CYP2W1: variants seen among roughly 807,000 people sequenced by gnomAD.
CYP2W1 encodes the protein cytochrome P450 2W1.
A neutral mutation model predicts 44.9 loss-of-function variants in CYP2W1; 51 were observed. That is an observed-to-expected ratio of 1.14 (90% CI 0.91 to 1.43). The LOEUF is 1.43. Ranked by LOEUF, CYP2W1 falls within the 40% of genes most tolerant of loss-of-function variation. The pLI is 0.00. For synonymous variants in CYP2W1, 383 were observed against 338.3 expected, an observed-to-expected ratio of 1.13 and a Z score of -1.45; for missense variants, 746 against 700.0, an observed-to-expected ratio of 1.07 and a Z score of -0.74.
chr7:985,678 G>A (rs1183168274), intron 4 of CYP2W1, among the ~76,000 whole-genome samples: 1 of 152,236 alleles, frequency 6.6e-6, no homozygotes, highest in Non-Finnish European at 1.5e-5. Flanking sequence ...CCTTCCTGCT[G>A]ACGCCCTTTA....
In CYP2W1 at chr7:984,393, C is replaced by T. The variant is rs1848163183; in HGVS notation, c.175-19C>T. Reference sequence around the variant, plus strand: ...TTGTGGGTGAGGGCTGCCCGGGTGACCCCCGCCATCCCTGCCAGCTCTCAG... The same window carrying T: ...TTGTGGGTGAGGGCTGCCCGGGTGATCCCCGCCATCCCTGCCAGCTCTCAG... On this transcript the variant is annotated intron_variant, in intron 1 of 8. Transcript: ENST00000308919. 6.5e-7 allele frequency: 1 copy of T among 1,544,150 alleles called. No homozygotes were observed. The highest frequency in any genetic ancestry group is 1.4e-5 in the African/African-American group (1 of 73,118).
chr7:986,065 C>T (rs987361377), intron 4 of CYP2W1, among the ~76,000 whole-genome samples: 1 of 152,174 alleles, frequency 6.6e-6, no homozygotes, highest in East Asian at 1.9e-4. Context: ...CGGGGCAGCC[C>T]CAGGGCAGCA....
rs139268609 is a variant in CYP2W1 at position 988,733 on chromosome 7, G to C, written c.1384G>C (p.Val462Leu). The change falls in exon 9 of 9, where the codon GTC becomes CTC. Residue 462 changes from valine (V) to leucine (L), a missense_variant. Coordinates refer to ENST00000308919, the MANE Select transcript of CYP2W1 (RefSeq NM_017781.3). ...GTACCGCCTGCTGCCCCCGCCTGGC[G>C]TCAGTCCGGCCTCCCTGGACACCAC... is the stretch of plus-strand genomic sequence containing the variant. ...QRYRLLPPPG[V>L]SPASLDTTPA... is the part of the protein sequence containing the mutation. 3.1e-3 allele frequency: 4,979 copies of C among 1,599,444 alleles called. 121 individuals are homozygous for C. In the African/African-American group the frequency reaches 0.057, roughly 18 times the overall value.
chr7:985,835 T>C (rs1848299594), intron 4 of CYP2W1, among the ~76,000 whole-genome samples: 1 of 152,232 alleles, frequency 6.6e-6, no homozygotes, highest in Non-Finnish European at 1.5e-5. Flanking sequence ...GTGTGATACC[T>C]GCATCACGGC....
At position 988,774 on chromosome 7, in the gene CYP2W1, T is replaced by C. The variant is rs769255926; in HGVS notation, c.1425T>C (p.Phe475=). The change falls in exon 9 of 9, where the codon TTT becomes TTC. Residue 475 remains phenylalanine (F), a synonymous_variant. Transcript: ENST00000308919. ...ASLDTTPARA[F]TMRPRAQALC... ...TGGACACCACGCCCGCCCGGGCTTT[T>C]ACCATGAGGCCGAGGGCCCAGGCCC... is the stretch of plus-strand genomic sequence containing the variant. 6.3e-7 allele frequency: 1 copy of C among 1,597,764 alleles called. No individual in the cohort carries two copies.
Position 988,265 on chromosome 7 carries a change from C to G in CYP2W1, c.1144-12C>G. 7.7e-6 allele frequency: 12 copies of G among 1,565,926 alleles called. No homozygotes were observed. Among genetic ancestry groups the G allele is most frequent in the Non-Finnish European group, 9.5e-6 (11 of 1,152,332 alleles). ...CGGGGCCCCTCTCTCTGTGCCCCGG[C>G]TGCCCCCACAGGGCACGCCCGTGAT... On this transcript the variant is annotated splice_polypyrimidine_tract_variant and intron_variant, in intron 7 of 8. Transcript: ENST00000308919.
rs1469355860 is a variant in CYP2W1, at chr7:986,693, G to C, written c.715G>C (p.Glu239Gln). Residue 239 changes from glutamate (E) to glutamine (Q), a missense_variant, in exon 5 of 9, where the codon GAG becomes CAG. Physicochemically the swap from Glu to Gln is conservative, Grantham distance 29. Coordinates refer to ENST00000308919, the MANE Select transcript of CYP2W1 (RefSeq NM_017781.3). ...CCGGCCCGTCCTGCGCAAGATCGAG[G>C]AGGTCCGTGCCATTCTGAGGACCCT... ...LHRPVLRKIE[E>Q]VRAILRTLLE... The C allele has an allele frequency of 6.2e-7, 1 of 1,612,622 alleles. No homozygotes were observed. The highest frequency in any genetic ancestry group is 8.5e-7 in the Non-Finnish European group (1 of 1,179,868).
In CYP2W1 at chr7:985,205, C is replaced by A; in HGVS notation, c.527C>A (p.Ser176Tyr). The A allele has an allele frequency of 6.4e-7, 1 of 1,563,504 alleles. No homozygotes were observed. Among genetic ancestry groups the A allele is most frequent in the Non-Finnish European group, 8.7e-7 (1 of 1,154,056 alleles). ...CTGGCCCTACTGGGCTGGGCTCCCT[C>A]CAATATCACCTTCGCGCTCCTCTTC... ...FPLALLGWAPSNITFALLFGR... is the reference protein window; with the variant it reads ...FPLALLGWAPYNITFALLFGR... Residue 176 changes from serine to tyrosine, a missense_variant, in exon 4 of 9, where the codon TCC becomes TAC. Ser to Tyr is a moderately radical substitution (Grantham distance 144). Coordinates refer to ENST00000308919, the MANE Select transcript of CYP2W1 (RefSeq NM_017781.3).
chr7:986,605 C>A lies in CYP2W1; in HGVS notation c.646-19C>A. 1 of 1,612,108 alleles carries A rather than the reference C, an allele frequency of 6.2e-7. No individual in the cohort carries two copies. Among genetic ancestry groups the A allele is most frequent in the South Asian group, 1.1e-5 (1 of 90,998 alleles). On this transcript the variant is annotated intron_variant, in intron 4 of 8. Coordinates refer to ENST00000308919, the MANE Select transcript of CYP2W1 (RefSeq NM_017781.3). ...CTGGGGCTGCGTCCTTATCTCCGCT[C>A]CTCCTGCCTCCTGCCCAGCTGTTCA...
chr7:985,935 G>A (rs1299329713), intron 4 of CYP2W1, among the ~76,000 whole-genome samples: 5 of 152,112 alleles, frequency 3.3e-5, no homozygotes, highest in East Asian at 1.9e-4. Flanking sequence ...GTTCACAAGC[G>A]AGAGCAGGGG....
chr7:987,770 G>C lies in CYP2W1; in HGVS notation c.1143+239G>C, dbSNP rs370631514. Among the ~76,000 whole-genome samples, 405 of 152,074 alleles carry C rather than the reference G, an allele frequency of 2.7e-3. 2 individuals are homozygous for C. Among genetic ancestry groups the C allele is most frequent in the African/African-American group, 9.1e-3 (378 of 41,470 alleles). On this transcript the variant is annotated intron_variant, in intron 7 of 8. Coordinates refer to ENST00000308919, the MANE Select transcript of CYP2W1 (RefSeq NM_017781.3). ...CCCTGCATGTCCTGGGGTCCCCTCC[G>C]TGTGTCCTGTGGGCATCCCTGTCCA...
chr7:987,211 C>T lies in CYP2W1; in HGVS notation c.924C>T (p.Ala308=), dbSNP rs372963929. 187 of 1,545,372 alleles carry T rather than the reference C, an allele frequency of 1.2e-4. 1 individual carries two copies. Among genetic ancestry groups the T allele is most frequent in the Non-Finnish European group, 1.4e-4 (161 of 1,145,252 alleles). The change falls in exon 6 of 9, where the codon GCC becomes GCT. Residue 308 remains alanine, a synonymous_variant. Transcript: ENST00000308919. ...CGACCTCGGCCACGCTGCAGTGGGCCGCACTTCTGATGGGCCGGCACCCGG... is the reference window on the plus strand; with the variant it reads ...CGACCTCGGCCACGCTGCAGTGGGCTGCACTTCTGATGGGCCGGCACCCGG... ...TETTSATLQW[A]ALLMGRHPDV... is the part of the protein sequence containing the mutation.
At chr7:987,664 G>T (rs1228733242) in intron 7 of CYP2W1, 133 bp downstream of exon 7, 5 of 923,884 alleles carry the variant, frequency 5.4e-6, no homozygotes, top group African/African-American at 3.4e-5. Flanking sequence ...GGCAATAAAG[G>T]GCGTCCAGCC....
Position 988,894 on chromosome 7 carries a change from C to A in CYP2W1, c.*72C>A. 2.1e-6 allele frequency: 2 copies of A among 971,244 alleles called. No homozygotes were observed. The highest frequency in any genetic ancestry group is 3.0e-6 in the Non-Finnish European group (2 of 664,598). 60.2% of individuals were successfully genotyped at this position (971,244 alleles called of 1,614,324 possible). ...CTGGGTCCTCCCACCCTCTCTCCTCCCACCCCACAGCTCGGACTGCTCTGG... is the reference window on the plus strand; with the variant it reads ...CTGGGTCCTCCCACCCTCTCTCCTCACACCCCACAGCTCGGACTGCTCTGG... On this transcript the variant is annotated 3_prime_UTR_variant, in exon 9 of 9. Transcript: ENST00000308919.
Position 987,472 on chromosome 7 carries a change from C to G in CYP2W1, c.1084C>G (p.Pro362Ala), listed in dbSNP as rs767515933. The change falls in exon 7 of 9, where the codon CCG becomes GCG. Residue 362 changes from proline to alanine, a missense_variant. Pro to Ala is a conservative substitution (Grantham distance 27). Transcript: ENST00000308919. Reference protein sequence around the residue: ...HEVQRFITLLPHVPRCTAADT... With the variant: ...HEVQRFITLLAHVPRCTAADT... ...GGTGCAGCGGTTCATCACGCTCCTG[C>G]CGCACGTGCCCCGCTGCACCGCGGC... is the stretch of plus-strand genomic sequence containing the variant. 2.6e-6 allele frequency: 4 copies of G among 1,560,478 alleles called. No homozygotes were observed. In the Admixed American group the frequency reaches 7.4e-5, roughly 29 times the overall value.
chr7:988,954 C>G lies in CYP2W1; in HGVS notation c.*132C>G. ...GAGGACTCCCACCCTCACCCCCACC[C>G]CCACAGGGTCAGCAACTGCTTCCGG... On this transcript the variant is annotated 3_prime_UTR_variant, in exon 9 of 9. Transcript: ENST00000308919. 1 of 621,610 alleles carries G rather than the reference C, an allele frequency of 1.6e-6. No individual in the cohort carries two copies. Among genetic ancestry groups the G allele is most frequent in the Non-Finnish European group, 2.8e-6 (1 of 359,734 alleles). 38.5% of individuals were successfully genotyped at this position (621,610 alleles called of 1,614,324 possible). A position where few individuals can be genotyped will look rare whatever the true frequency, so the allele number is the denominator to read the frequency against.
In CYP2W1 at chr7:988,691, GC is replaced by G. The variant is rs1452311597; in HGVS notation, c.1344del (p.Gly449AlafsTer29). 6.3e-7 allele frequency: 1 copy of G among 1,599,946 alleles called. No homozygotes were observed. Among genetic ancestry groups the G allele is most frequent in the Non-Finnish European group, 8.5e-7 (1 of 1,179,630 alleles). On this transcript the variant is annotated frameshift_variant, in exon 9 of 9. Coordinates refer to ENST00000308919, the MANE Select transcript of CYP2W1 (RefSeq NM_017781.3). LOFTEE classifies it low-confidence loss of function (END_TRUNC). ...CAGGACCGAGCTCTTCCTGCTGTTT[GC>G]CGGCCTCCTGCAGAGGTACCGCCTG... Reference protein sequence around the residue: ...LARTELFLLFAGLLQRYRLLP... With the variant: ...LARTELFLLFXGLLQRYRLLP...
intron 1 of CYP2W1, among the ~76,000 whole-genome samples, chr7:983,815 A>G (rs1848108586): frequency 6.6e-6 from 1 of 152,168 alleles, no homozygotes; most frequent in Non-Finnish European, 1.5e-5. Context: ...CATCTGTGAA[A>G]TGGGAAGAGG....
rs1453271693 is a variant in CYP2W1, at chr7:988,725, C to T, written c.1376C>T (p.Pro459Leu). The T allele has an allele frequency of 5.0e-6, 8 of 1,599,598 alleles. No individual in the cohort carries two copies. Among genetic ancestry groups the T allele is most frequent in the African/African-American group, 1.3e-5 (1 of 74,984 alleles). Reference protein sequence around the residue: ...GLLQRYRLLPPPGVSPASLDT... With the variant: ...GLLQRYRLLPLPGVSPASLDT... ...CTGCAGAGGTACCGCCTGCTGCCCC[C>T]GCCTGGCGTCAGTCCGGCCTCCCTG... Residue 459 changes from proline to leucine, a missense_variant, in exon 9 of 9, where the codon CCG (proline) becomes CTG (leucine). Pro to Leu is a moderately conservative substitution (Grantham distance 98). Coordinates refer to ENST00000308919, the MANE Select transcript of CYP2W1 (RefSeq NM_017781.3).
Sources: gnomAD v4.1 joint callset for allele counts (sites outside exome capture counted in the v4.1 genomes callset) on GRCh38, gnomAD v4.1.1 for gene constraint, MANE v1.5 for transcripts, NCBI Gene and HGNC (gene_info 2026-07-23, HGNC 2026-07-21) for gene names.